The following PSD3 variants were observed in gnomAD, a reference collection of about 807,000 sequenced individuals.
The protein encoded by PSD3 is PH and SEC7 domain-containing protein 3.
In PSD3, 49 loss-of-function variants were observed where a neutral mutation model predicts 105.5. That is an observed-to-expected ratio of 0.46 (90% CI 0.37 to 0.59). The LOEUF (loss-of-function observed/expected upper bound fraction) is 0.59, where lower values mean the gene tolerates loss of function less well. Ranked by LOEUF, PSD3 falls within the 20% of genes least tolerant of loss-of-function variation. The probability of loss-of-function intolerance (pLI) is 0.00; values close to 1 mark genes in which losing one functional copy is unlikely to be tolerated. For synonymous variants in PSD3, 557 were observed against 457.8 expected (o/e 1.22, Z -2.77); for missense variants, 1,561 against 1,263.8 (o/e 1.24, Z -3.57).
At chr8:19,051,320 G>A (rs953081113) in intron 1 of PSD3, among the ~76,000 whole-genome samples, 18 of 152,022 alleles carry the variant, frequency 1.2e-4, no homozygotes, top group Non-Finnish European at 2.4e-4. Context: ...CTGCTTTCTG[G>A]GATCAGACTA....
chr8:18,605,729 G>C (rs186577457), intron 11 of PSD3, among the ~76,000 whole-genome samples: 1 of 152,090 alleles, frequency 6.6e-6, no homozygotes, highest in African/African-American at 2.4e-5. Context: ...GGAGGTAATT[G>C]GATCATGATT....
intron 14 of PSD3, among the ~76,000 whole-genome samples, chr8:18,556,663 G>A (rs1487286854): frequency 6.6e-6 from 1 of 152,194 alleles, no homozygotes; most frequent in Non-Finnish European, 1.5e-5. Flanking sequence ...TGCCCTGACA[G>A]GCATGTCACC....
chr8:19,072,861 G>A (rs1490917732), intron 1 of PSD3, among the ~76,000 whole-genome samples: 2 of 152,062 alleles, frequency 1.3e-5, no homozygotes, highest in Non-Finnish European at 2.9e-5. Context: ...GTACTGTGCT[G>A]AGTTCATGTG....
rs61401475 is a variant in PSD3 at position 19,052,774 on chromosome 8, C to A, written c.324+31432G>T. On this transcript the variant is annotated intron_variant, in intron 1 of 1. Coordinates refer to the PSD3 transcript ENST00000521475. ...GACGGCTGAAGGTCAGGACTTGAGC[C>A]CCCTAAGCTGTGGGTGGGTGGGTCC... Among the ~76,000 whole-genome samples the A allele has an allele frequency of 1.7e-3, 250 of 145,080 alleles. 7 individuals carry two copies. The East Asian group carries it at 0.046, about 27-fold the overall frequency.
chr8:18,650,018 T>A (rs1585500831), intron 10 of PSD3, among the ~76,000 whole-genome samples: 1 of 152,228 alleles, frequency 6.6e-6, no homozygotes, highest in South Asian at 2.1e-4. Flanking sequence ...GTCTTAAGTA[T>A]TGCTTTGTAG....
chr8:19,041,625 C>T (rs1828127114), intron 1 of PSD3, among the ~76,000 whole-genome samples: 1 of 152,200 alleles, frequency 6.6e-6, no homozygotes, highest in Non-Finnish European at 1.5e-5. Context: ...CTGGGTTATC[C>T]ACAAAGACGG....
chr8:18,813,524 G>A (rs796256294), intron 4 of PSD3, among the ~76,000 whole-genome samples: 17 of 152,334 alleles, frequency 1.1e-4, no homozygotes, highest in Admixed American at 1.0e-3. Context: ...ATGTCTAGCA[G>A]TAGTGTATTC....
At chr8:18,892,593 A>T (rs1342412871) in intron 2 of PSD3, among the ~76,000 whole-genome samples, 1 of 147,748 alleles carries the variant, frequency 6.8e-6, no homozygotes, top group African/African-American at 2.5e-5. Context: ...TAGTCTGGGT[A>T]TTTCCAGTTA....
intron 12 of PSD3, among the ~76,000 whole-genome samples, chr8:18,596,706 C>G: frequency 6.6e-6 from 1 of 151,716 alleles, no homozygotes; most frequent in Admixed American, 6.6e-5. Flanking sequence ...AATTATACAC[C>G]AACAAATTGG....
chr8:18,700,551 C>T (rs944603472), intron 9 of PSD3, among the ~76,000 whole-genome samples: 2 of 152,108 alleles, frequency 1.3e-5, no homozygotes, highest in Admixed American at 6.5e-5. Context: ...AATGTGCTTC[C>T]GGAGCTAAGA....
chr8:19,051,270 TCA>T (rs3988320), intron 1 of PSD3, among the ~76,000 whole-genome samples: 63,295 of 151,856 alleles, frequency 0.42, 15,525 homozygotes, highest in Non-Finnish European at 0.55. Flanking sequence ...CCTTCAGTTC[TCA>T]GTTTCAGTTC....
chr8:18,635,693 AC>A (rs1168441255), intron 10 of PSD3, among the ~76,000 whole-genome samples: 6 of 152,192 alleles, frequency 3.9e-5, no homozygotes, highest in Non-Finnish European at 5.9e-5. Flanking sequence ...ACTATGGAAT[AC>A]TATGGAGTCA....
Position 18,661,760 on chromosome 8 carries a change from G to T in PSD3, c.2173-6075C>A, listed in dbSNP as rs184216252. On this transcript the variant is annotated intron_variant, in intron 9 of 15. Coordinates refer to ENST00000327040, the MANE Select transcript of PSD3 (RefSeq NM_015310.4). ...ATGCAAAAGGAGAAATAGCCTGAAGGCTTGACCACAAGAGAATTCACAGGT... is the reference window on the plus strand; with the variant it reads ...ATGCAAAAGGAGAAATAGCCTGAAGTCTTGACCACAAGAGAATTCACAGGT... Among the ~76,000 whole-genome samples the T allele has an allele frequency of 2.3e-4, 35 of 152,268 alleles. No homozygotes were observed. The East Asian group carries it at 3.9e-3, about 17-fold the overall frequency.
chr8:18,655,717 C>A, intron 9 of PSD3, 32 bp from the exon 10 acceptor site: 3 of 1,594,216 alleles, frequency 1.9e-6, no homozygotes, highest in Non-Finnish European at 2.6e-6. Context: ...TCACATTATT[C>A]TTTCCATTCT....
rs562330869 is a variant in PSD3 at position 19,079,161 on chromosome 8, G to A, written c.324+5045C>T. Among the ~76,000 whole-genome samples the A allele has an allele frequency of 7.2e-5, 11 of 152,190 alleles. No individual in the cohort carries two copies. The East Asian group carries it at 2.1e-3, about 30-fold the overall frequency. On this transcript the variant is annotated intron_variant, in intron 1 of 1. Coordinates refer to the PSD3 transcript ENST00000521475. ...GAGAGAAAAAGAGCAAGAGAACGTT[G>A]TCATGGGAACACTAAGGCAAATCAC...
At chr8:18,712,732 C>A (rs950457839) in intron 9 of PSD3, among the ~76,000 whole-genome samples, 9 of 152,056 alleles carry the variant, frequency 5.9e-5, no homozygotes, top group Admixed American at 1.3e-4. Flanking sequence ...CCATTTCATG[C>A]GAAACTATTC....
chr8:18,643,570 C>T (rs1365003787), intron 10 of PSD3, among the ~76,000 whole-genome samples: 1 of 152,186 alleles, frequency 6.6e-6, no homozygotes, highest in Non-Finnish European at 1.5e-5. Context: ...GACATAGATG[C>T]TCCCATTCCA....
At chr8:18,890,667 ACAAGTCACCTG>A (rs1446532587) in intron 2 of PSD3, among the ~76,000 whole-genome samples, 1 of 152,218 alleles carries the variant, frequency 6.6e-6, no homozygotes, top group African/African-American at 2.4e-5. Flanking sequence ...AGAGGTAATT[ACAAGTCACCTG>A]CAAACCTCTA....
chr8:19,030,367 T>C (rs1340797514), intron 1 of PSD3, among the ~76,000 whole-genome samples: 1 of 152,180 alleles, frequency 6.6e-6, no homozygotes, highest in Non-Finnish European at 1.5e-5. Flanking sequence ...ACAGTTTGGA[T>C]ATTTGTCCCC....
Sources: allele counts gnomAD v4.1 joint callset (sites outside exome capture counted in the v4.1 genomes callset), GRCh38; gene constraint gnomAD v4.1.1; transcripts MANE v1.5; gene names NCBI Gene and HGNC (gene_info 2026-07-23, HGNC 2026-07-21).